The following LRCH1 variants were observed in gnomAD, a reference collection of about 807,000 sequenced individuals.
LRCH1 encodes leucine-rich repeat and calponin homology domain-containing protein 1.
LRCH1 carries 23 observed loss-of-function variants against 94.9 expected under a neutral mutation model. The ratio of observed to expected loss-of-function variants is 0.24; its 90% CI spans 0.17 to 0.34. The LOEUF (loss-of-function observed/expected upper bound fraction) is 0.34, where lower values mean the gene tolerates loss of function less well. Among genes scored for constraint, LRCH1 ranks in the 10% least tolerant of loss-of-function variants. The probability of loss-of-function intolerance (pLI) is 1.00; values close to 1 mark genes in which losing one functional copy is unlikely to be tolerated. For missense variants in LRCH1, 790 were observed against 945.9 expected, an observed-to-expected ratio of 0.84 and a Z score of 2.16; for synonymous variants, 364 against 354.9, an observed-to-expected ratio of 1.03 and a Z score of -0.29.
At chr13:46,692,151 T>G (rs1307442117) in intron 7 of LRCH1, among the ~76,000 whole-genome samples, 1 of 152,110 alleles carries the variant, frequency 6.6e-6, no homozygotes, top group Admixed American at 6.6e-5. Context: ...GGGACATACA[T>G]CCAAACTGTG....
chr13:46,734,609 T>C (rs9595524), intron 19 of LRCH1, among the ~76,000 whole-genome samples: 3,579 of 152,332 alleles, frequency 0.023, 142 homozygotes, highest in African/African-American at 0.082. Flanking sequence ...GTTTGCTATT[T>C]TTTCTCTCTC....
intron 19 of LRCH1, among the ~76,000 whole-genome samples, chr13:46,740,701 A>G (rs1396775158): frequency 6.6e-6 from 1 of 152,236 alleles, no homozygotes; most frequent in Non-Finnish European, 1.5e-5. Context: ...TCTTGCTAAT[A>G]TATCAATTAT....
intron 1 of LRCH1, among the ~76,000 whole-genome samples, chr13:46,568,676 T>C (rs938494624): frequency 1.3e-5 from 2 of 152,176 alleles, no homozygotes; most frequent in African/African-American, 4.8e-5. Context: ...ATTTAAGTAA[T>C]GATGATAAAA....
chr13:46,614,856 T>A (rs2050788394), intron 1 of LRCH1, among the ~76,000 whole-genome samples: 1 of 152,148 alleles, frequency 6.6e-6, no homozygotes, highest in Non-Finnish European at 1.5e-5. Flanking sequence ...AGGCAGTGAG[T>A]CAGAAAATCC....
downstream of LRCH1, among the ~76,000 whole-genome samples, chr13:46,745,626 G>T (rs1593392543): frequency 6.6e-6 from 1 of 152,170 alleles, no homozygotes; most frequent in East Asian, 1.9e-4. Flanking sequence ...TCTGTAAGAT[G>T]TTGAATGGTC....
At chr13:46,568,178 G>A (rs1043825771) in intron 1 of LRCH1, among the ~76,000 whole-genome samples, 13 of 152,172 alleles carry the variant, frequency 8.5e-5, no homozygotes, top group African/African-American at 3.1e-4. Context: ...AGATCACTGG[G>A]AACATCATAA....
At chr13:46,557,131 A>G (rs973791612) in intron 1 of LRCH1, among the ~76,000 whole-genome samples, 98 of 152,082 alleles carry the variant, frequency 6.4e-4, no homozygotes, top group Non-Finnish European at 5.0e-4. Context: ...GGGCCAAAGA[A>G]AAACAAGTAC....
At chr13:46,630,635 C>T (rs768521455) in intron 1 of LRCH1, among the ~76,000 whole-genome samples, 2 of 152,176 alleles carry the variant, frequency 1.3e-5, no homozygotes, top group Non-Finnish European at 2.9e-5. Flanking sequence ...TGTCTTAAGA[C>T]ACTGGGACTG....
In LRCH1 at chr13:46,574,376, A is replaced by C. The variant is rs548940873; in HGVS notation, c.307+20673A>C. Among the ~76,000 whole-genome samples the C allele has an allele frequency of 3.3e-5, 5 of 152,300 alleles. No individual in the cohort carries two copies. In the South Asian group the frequency reaches 1.0e-3, roughly 32 times the overall value. On this transcript the variant is annotated intron_variant, in intron 1 of 19. Transcript: ENST00000389797. ...AAAAAAAATTAACATTAAAAAATACAAAACAAGTGGTGTTGCCTGCATTTT... is the reference window on the plus strand; with the variant it reads ...AAAAAAAATTAACATTAAAAAATACCAAACAAGTGGTGTTGCCTGCATTTT...
At chr13:46,648,559 A>G (rs1251277810) in intron 1 of LRCH1, among the ~76,000 whole-genome samples, 1 of 152,174 alleles carries the variant, frequency 6.6e-6, no homozygotes, top group Non-Finnish European at 1.5e-5. Flanking sequence ...ACATTATTTA[A>G]CCATGAGATC....
chr13:46,569,696 G>T (rs904247579), intron 1 of LRCH1, among the ~76,000 whole-genome samples: 10 of 152,048 alleles, frequency 6.6e-5, no homozygotes, highest in Admixed American at 3.3e-4. Context: ...TATCCTGCTG[G>T]GTTTTCCTCT....
intron 1 of LRCH1, among the ~76,000 whole-genome samples, chr13:46,594,442 C>T (rs2050536191): frequency 2.0e-5 from 3 of 152,062 alleles, no homozygotes; most frequent in African/African-American, 7.2e-5. Context: ...TTCAATGAAG[C>T]GATCTTTGCA....
At chr13:46,696,709 T>C (rs1405037240) in intron 9 of LRCH1, among the ~76,000 whole-genome samples, 1 of 152,142 alleles carries the variant, frequency 6.6e-6, no homozygotes. Flanking sequence ...CTACAACAAG[T>C]TAAGGAAAAA....
intron 1 of LRCH1, among the ~76,000 whole-genome samples, chr13:46,584,737 T>C (rs1029059938): frequency 6.6e-6 from 1 of 152,230 alleles, no homozygotes; most frequent in Non-Finnish European, 1.5e-5. Context: ...AACTTAATCA[T>C]TTTTTGTTTC....
chr13:46,752,717 A>G (rs543920985), exon 19 of LRCH1: 3 of 152,290 alleles, frequency 2.0e-5, no homozygotes, highest in East Asian at 3.9e-4. Context: ...TCTTACGTGT[A>G]TATATGGTAG....
exon 19 of LRCH1, chr13:46,751,249 AG>A (rs1874122573): frequency 1.3e-5 from 2 of 151,980 alleles, no homozygotes; most frequent in African/African-American, 4.8e-5. Flanking sequence ...ATAAATGTTG[AG>A]TTATTTTCTA....
intron 2 of LRCH1, among the ~76,000 whole-genome samples, chr13:46,658,400 A>G (rs1292971221): frequency 2.0e-5 from 3 of 152,156 alleles, no homozygotes; most frequent in African/African-American, 4.8e-5. Context: ...AAGTTTTGCT[A>G]TGCAGTGGTT....
chr13:46,634,393 T>G (rs1437973272), intron 1 of LRCH1, among the ~76,000 whole-genome samples: 3 of 152,220 alleles, frequency 2.0e-5, no homozygotes. Context: ...CCTGGATCTT[T>G]GTAACCATGG....
At chr13:46,645,508 T>G (rs1045074267) in intron 1 of LRCH1, among the ~76,000 whole-genome samples, 1 of 152,248 alleles carries the variant, frequency 6.6e-6, no homozygotes, top group Non-Finnish European at 1.5e-5. Flanking sequence ...TATTTTTGAT[T>G]TAATATATTT....
Sources: allele counts gnomAD v4.1 joint callset (sites outside exome capture counted in the v4.1 genomes callset), GRCh38; gene constraint gnomAD v4.1.1; transcripts MANE v1.5; gene names NCBI Gene and HGNC (gene_info 2026-07-23, HGNC 2026-07-21).